Variants in IGLL5 observed in about 807,000 individuals in gnomAD.
IGLL5 encodes immunoglobulin lambda-like polypeptide 5.
IGLL5 carries 30 observed loss-of-function variants against 20.9 expected under a neutral mutation model. The ratio of observed to expected loss-of-function variants is 1.44; its 90% confidence interval spans 1.07 to 1.95. The LOEUF is 1.95. Among genes scored for constraint, IGLL5 ranks in the 30% most tolerant of loss-of-function variants. IGLL5 has a pLI of 0.00. For synonymous variants in IGLL5, 203 were observed against 117.3 expected (o/e 1.73, Z -4.72); for missense variants, 475 against 270.7 (o/e 1.75, Z -5.30).
At chr22:22,894,578 T>C (rs571233531) in intron 2 of IGLL5, among the ~76,000 whole-genome samples, 4 of 151,278 alleles carry the variant, frequency 2.6e-5, no homozygotes, top group East Asian at 2.0e-4. Context: ...TCAAAGGGCA[T>C]GTTAGACTCA....
chr22:22,890,553 TTGTGTGTGTGTGTGTGTGTGTGTG>T (rs3029157), intron 1 of IGLL5, among the ~76,000 whole-genome samples: 2 of 120,926 alleles, frequency 1.7e-5, no homozygotes, highest in African/African-American at 6.1e-5. Context: ...CAGTGGAAAT[TTGTGTGTGTGTGTGTGTGTGTGTG>T]TGTGTGTGTG....
chr22:22,894,089 CTG>C, intron 2 of IGLL5, among the ~76,000 whole-genome samples: 1 of 151,424 alleles, frequency 6.6e-6, no homozygotes, highest in African/African-American at 2.4e-5. Context: ...GGGCAGATGT[CTG>C]AGTGAGGGAC....
intron 2 of IGLL5, among the ~76,000 whole-genome samples, chr22:22,894,096 A>T: frequency 6.6e-6 from 1 of 151,388 alleles, no homozygotes; most frequent in African/African-American, 2.4e-5. Flanking sequence ...TGTCTGAGTG[A>T]GGGACAGAGG....
rs187402984 is a variant in IGLL5, at chr22:22,894,089, C to T, written c.325+271C>T. Among the ~76,000 whole-genome samples the T allele has an allele frequency of 4.6e-5, 7 of 151,422 alleles. 1 individual carries two copies. Among genetic ancestry groups the T allele is most frequent in the Admixed American group, 6.6e-5 (1 of 15,140 alleles). On this transcript the variant is annotated intron_variant, in intron 2 of 2. Coordinates refer to ENST00000526893, the MANE Select transcript of IGLL5 (RefSeq NM_001178126.2). Reference sequence around the variant, plus strand: ...TCCTCCTCTCTTCCAGGGCAGATGTCTGAGTGAGGGACAGAGGCTGGTTCT... The same window carrying T: ...TCCTCCTCTCTTCCAGGGCAGATGTTTGAGTGAGGGACAGAGGCTGGTTCT...
chr22:22,888,197 G>T lies in IGLL5; in HGVS notation c.144G>T (p.Gly48=), dbSNP rs769020352. The change falls in exon 1 of 3, where the codon GGG becomes GGT. Residue 48 remains glycine (G), a synonymous_variant. Transcript: ENST00000526893. ...LLRPMVAPQS[G]DPDPGASVGS... ...GCCCAATGGTTGCACCGCAAAGCGG[G>T]GACCCAGACCCTGGAGCCTCAGTTG... 6.5e-7 allele frequency: 1 copy of T among 1,548,786 alleles called. No individual in the cohort carries two copies. Among genetic ancestry groups the T allele is most frequent in the Admixed American group, 2.0e-5 (1 of 50,798 alleles).
At chr22:22,893,897 C>T (rs2067943941) in intron 2 of IGLL5, 79 bp downstream of exon 2, 4 of 984,946 alleles carry the variant, frequency 4.1e-6, no homozygotes, top group Admixed American at 3.4e-5. Context: ...TCTGGGGCTT[C>T]CTCCCCTCTG....
chr22:22,894,007 A>C (rs1419530392), intron 2 of IGLL5, among the ~76,000 whole-genome samples, 189 bp downstream of exon 2: 2 of 151,332 alleles, frequency 1.3e-5, no homozygotes, highest in Admixed American at 6.6e-5. Context: ...CCACAGTGGG[A>C]GCAGCCGGAT....
intron 1 of IGLL5, among the ~76,000 whole-genome samples, chr22:22,893,130 T>C (rs1448677964): frequency 1.3e-5 from 2 of 150,982 alleles, no homozygotes; most frequent in Non-Finnish European, 1.5e-5. Flanking sequence ...GACAGATGCA[T>C]GGATGGACGG....
At position 22,893,806 on chromosome 22, in the gene IGLL5, G is replaced by A. The variant is rs755059326; in HGVS notation, c.313G>A (p.Val105Ile). 1.9e-6 allele frequency: 3 copies of A among 1,609,832 alleles called. No individual in the cohort carries two copies. In the African/African-American group the frequency reaches 4.0e-5, roughly 22 times the overall value. The change falls in exon 2 of 3, where the codon GTC (valine) becomes ATC (isoleucine). Residue 105 changes from valine to isoleucine, a missense_variant. Transcript: ENST00000526893. Reference protein sequence around the residue: ...LCYVFGTGTKVTVLGQPKANP... With the variant: ...LCYVFGTGTKITVLGQPKANP... Reference sequence around the variant, plus strand: ...TTATGTCTTCGGAACTGGGACCAAGGTCACCGTCCTAGGTAAGTGGCTCTC... The same window carrying A: ...TTATGTCTTCGGAACTGGGACCAAGATCACCGTCCTAGGTAAGTGGCTCTC...
At chr22:22,888,287 T>A (rs570730674) in intron 1 of IGLL5, 28 bp downstream of exon 1, 1 of 1,541,186 alleles carries the variant, frequency 6.5e-7, no homozygotes. Context: ...CCAGGGGATG[T>A]GGGGGTCCTG....
intron 1 of IGLL5, among the ~76,000 whole-genome samples, chr22:22,889,039 A>G (rs1396902781): frequency 2.0e-5 from 3 of 151,418 alleles, no homozygotes; most frequent in East Asian, 2.0e-4. Context: ...TCCGTGCACC[A>G]TTCCCAGTCC....
intron 1 of IGLL5, among the ~76,000 whole-genome samples, chr22:22,888,595 G>A (rs2067620300): frequency 2.0e-5 from 3 of 151,396 alleles, no homozygotes; most frequent in East Asian, 4.1e-4. Flanking sequence ...GGGGGTGGTG[G>A]CCACTGTCCC....
Position 22,893,915 on chromosome 22 carries a change from A to C in IGLL5, c.325+97A>C, listed in dbSNP as rs547759025. On this transcript the variant is annotated intron_variant, in intron 2 of 2. Transcript: ENST00000526893. ...GGGGCTTCCTCCCCTCTGTCCTCCC[A>C]GCCTTAAGCACTGACCCTTACCTTT... 9.3e-6 allele frequency: 8 copies of C among 863,276 alleles called. 1 individual carries two copies. Among genetic ancestry groups the C allele is most frequent in the Admixed American group, 1.8e-5 (1 of 56,136 alleles). The allele number at this position is 863,276 out of a possible 1,614,324, so 53.5% of individuals were successfully genotyped here. A position where few individuals can be genotyped will look rare whatever the true frequency, so the allele number is the denominator to read the frequency against.
chr22:22,894,006 G>A (rs1249174182), intron 2 of IGLL5, among the ~76,000 whole-genome samples, 188 bp downstream of exon 2: 25 of 149,764 alleles, frequency 1.7e-4, no homozygotes, highest in Middle Eastern at 3.8e-3. Context: ...TCCACAGTGG[G>A]AGCAGCCGGA....
intron 1 of IGLL5, among the ~76,000 whole-genome samples, chr22:22,889,036 A>C (rs1490745000): frequency 6.6e-6 from 1 of 151,374 alleles, no homozygotes; most frequent in South Asian, 2.1e-4. Flanking sequence ...GGGTCCGTGC[A>C]CCATTCCCAG....
chr22:22,894,197 G>GC (rs2067996924), intron 2 of IGLL5, among the ~76,000 whole-genome samples: 1 of 151,376 alleles, frequency 6.6e-6, no homozygotes, highest in Admixed American at 6.6e-5. Flanking sequence ...GTGGGCCTGG[G>GC]AGCTGCTGAG....
rs545109780 is a variant in IGLL5 at position 22,888,148 on chromosome 22, C to T, written c.95C>T (p.Ala32Val). 9.7e-6 allele frequency: 15 copies of T among 1,549,308 alleles called. No individual in the cohort carries two copies. In the Middle Eastern group the frequency reaches 6.8e-4, roughly 70 times the overall value. ...QRWPLLLLGL[A>V]MVAHGLLRPM... ...TGGCCCCTGCTGCTGCTGGGTCTGG[C>T]CATGGTCGCCCATGGCCTGCTGCGC... The change falls in exon 1 of 3, where the codon GCC becomes GTC. Residue 32 changes from alanine to valine, a missense_variant. By Grantham distance (64) the Ala-to-Val change is moderately conservative. Coordinates refer to ENST00000526893, the MANE Select transcript of IGLL5 (RefSeq NM_001178126.2).
chr22:22,894,887 C>T (rs559856654), intron 2 of IGLL5, among the ~76,000 whole-genome samples: 2 of 151,346 alleles, frequency 1.3e-5, no homozygotes, highest in East Asian at 2.0e-4. Flanking sequence ...ATAGGAAGCT[C>T]CAGTTCAAAG....
intron 2 of IGLL5, among the ~76,000 whole-genome samples, chr22:22,894,694 G>A (rs145043200): frequency 6.6e-6 from 1 of 151,448 alleles, no homozygotes; most frequent in Non-Finnish European, 1.5e-5. Flanking sequence ...GGGCTGCTGA[G>A]TCTCATAGTC....
Sources: allele counts gnomAD v4.1 joint callset (sites outside exome capture counted in the v4.1 genomes callset), GRCh38; gene constraint gnomAD v4.1.1; transcripts MANE v1.5; gene names NCBI Gene and HGNC (gene_info 2026-07-23, HGNC 2026-07-21).